The following TGFBR1 variants were observed in gnomAD, a reference collection of about 807,000 sequenced individuals.
TGFBR1 encodes the protein TGF-beta receptor type-1.
In TGFBR1, 20 loss-of-function variants were observed where a neutral mutation model predicts 55.1. That is an observed-to-expected ratio of 0.36 (90% CI 0.26 to 0.53). The LOEUF (loss-of-function observed/expected upper bound fraction) is 0.53. TGFBR1 is among the 20% of genes least tolerant of loss of function. TGFBR1 has a pLI of 0.91. For missense variants in TGFBR1, 385 were observed against 617.6 expected, an observed-to-expected ratio of 0.62 and a Z score of 3.99; for synonymous variants, 220 against 214.8, an observed-to-expected ratio of 1.02 and a Z score of -0.21.
intron 7 of TGFBR1, among the ~76,000 whole-genome samples, chr9:99,147,154 T>C (rs1423424875): frequency 1.3e-5 from 2 of 152,198 alleles, no homozygotes; most frequent in Non-Finnish European, 2.9e-5. Context: ...TGAGACCTAG[T>C]GCCTTAGGTT....
rs955477646 is a variant in TGFBR1, at chr9:99,110,418, G to GTTA, written c.97+5118_97+5119insATT. Among the ~76,000 whole-genome samples, 98 of 152,036 alleles carry GTTA rather than the reference G, an allele frequency of 6.4e-4. 1 individual carries two copies. The highest frequency in any genetic ancestry group is 2.2e-3 in the African/African-American group (91 of 41,466). On this transcript the variant is annotated intron_variant, in intron 1 of 8. Transcript: ENST00000374994. ...TTCTCATAACCAACCTTGAATGGTAGTTGTATAGAGTACCAAAACTTCTTA... is the reference window on the plus strand; with the variant it reads ...TTCTCATAACCAACCTTGAATGGTAGTTATTGTATAGAGTACCAAAACTTCTTA...
chr9:99,145,017 G>T, intron 6 of TGFBR1, 129 bp downstream of exon 6: 4 of 1,076,600 alleles, frequency 3.7e-6, no homozygotes, highest in East Asian at 5.2e-5. Context: ...CAGGTAAGAA[G>T]ATCTCATGGT....
upstream of TGFBR1, among the ~76,000 whole-genome samples, chr9:99,103,787 C>A (rs888360203): frequency 6.6e-6 from 1 of 152,160 alleles, no homozygotes; most frequent in Admixed American, 6.5e-5. Flanking sequence ...GTCTCAGATC[C>A]CAGCTCCAAT....
rs2118839113 is a variant in TGFBR1 at position 99,147,666 on chromosome 9, A to G, written c.1268A>G (p.Asp423Gly). 6.2e-7 allele frequency: 1 copy of G among 1,613,430 alleles called. No individual in the cohort carries two copies. Among genetic ancestry groups the G allele is most frequent in the Non-Finnish European group, 8.5e-7 (1 of 1,179,640 alleles). ...RRCSIGGIHE[D>G]YQLPYYDLVP... Reference sequence around the variant, plus strand: ...TAAACTGATACAGGAATTCATGAAGATTACCAACTGCCTTATTATGATCTT... The same window carrying G: ...TAAACTGATACAGGAATTCATGAAGGTTACCAACTGCCTTATTATGATCTT... The change falls in exon 8 of 9, where the codon GAT becomes GGT. Residue 423 changes from aspartate (D) to glycine (G), a missense_variant. Around this residue, in one of 5 missense-constraint regions of TGFBR1, gnomAD observed 110 missense variants for 154.6 expected, o/e 0.71. Coordinates refer to ENST00000374994, the MANE Select transcript of TGFBR1 (RefSeq NM_004612.4).
chr9:99,109,283 G>T (rs1210687294), intron 1 of TGFBR1, among the ~76,000 whole-genome samples: 1 of 152,168 alleles, frequency 6.6e-6, no homozygotes, highest in Non-Finnish European at 1.5e-5. Context: ...ATTGAGAAAA[G>T]TAGGCCTATA....
At chr9:99,119,756 G>A (rs1478749324) in intron 1 of TGFBR1, among the ~76,000 whole-genome samples, 1 of 152,216 alleles carries the variant, frequency 6.6e-6, no homozygotes, top group Non-Finnish European at 1.5e-5. Flanking sequence ...TACTGCTACT[G>A]TAGTGAAGTT....
In TGFBR1 at chr9:99,106,093, A is replaced by G. The variant is rs142640864; in HGVS notation, c.97+791A>G. On this transcript the variant is annotated intron_variant, in intron 1 of 8. Coordinates refer to ENST00000374994, the MANE Select transcript of TGFBR1 (RefSeq NM_004612.4). ...ATAGTGGAAACTTGAACGTTTGCTC[A>G]TTCTGCGGGTTTTGGAAATTTTGGG... 3.1e-3 allele frequency among the ~76,000 whole-genome samples: 469 copies of G among 152,382 alleles called. 1 individual carries two copies. Among genetic ancestry groups the G allele is most frequent in the Non-Finnish European group, 5.3e-3 (358 of 68,038 alleles).
At chr9:99,114,800 A>C (rs1469414180) in intron 1 of TGFBR1, among the ~76,000 whole-genome samples, 1 of 152,210 alleles carries the variant, frequency 6.6e-6, no homozygotes, top group Non-Finnish European at 1.5e-5. Flanking sequence ...TCATCAGAGT[A>C]CTGCTACCAA....
chr9:99,133,981 G>C (rs1056081832), intron 3 of TGFBR1, among the ~76,000 whole-genome samples: 1 of 142,816 alleles, frequency 7.0e-6, no homozygotes, highest in African/African-American at 2.6e-5. Context: ...TCCAGCCTGG[G>C]AAACAGACTC....
At chr9:99,112,167 G>A (rs1209033520) in intron 1 of TGFBR1, among the ~76,000 whole-genome samples, 1 of 152,224 alleles carries the variant, frequency 6.6e-6, no homozygotes, top group African/African-American at 2.4e-5. Context: ...TGCCGCAGAG[G>A]GAATGGATCA....
At chr9:99,127,879 T>G (rs2118546958) in intron 1 of TGFBR1, 1 of 450,778 alleles carries the variant, frequency 2.2e-6, no homozygotes, top group African/African-American at 2.0e-5. Flanking sequence ...AAGTATTTTT[T>G]GAATGCTGCT....
intron 1 of TGFBR1, among the ~76,000 whole-genome samples, chr9:99,108,930 A>G (rs906606705): frequency 1.3e-5 from 2 of 151,436 alleles, no homozygotes; most frequent in Non-Finnish European, 2.9e-5. Context: ...TATCACTTCA[A>G]TTTACAGATG....
intron 7 of TGFBR1, among the ~76,000 whole-genome samples, chr9:99,147,439 A>C (rs1021351206): frequency 1.3e-5 from 2 of 152,240 alleles, no homozygotes; most frequent in South Asian, 4.1e-4. Context: ...TATTGATCTC[A>C]TGGCAATACT....
At position 99,141,030 on chromosome 9, in the gene TGFBR1, C is replaced by T. The variant is rs935527923; in HGVS notation, c.806-1506C>T. Among the ~76,000 whole-genome samples the T allele has an allele frequency of 2.2e-4, 34 of 152,146 alleles. 1 individual carries two copies. Among genetic ancestry groups the T allele is most frequent in the Non-Finnish European group, 4.1e-4 (28 of 68,036 alleles). On this transcript the variant is annotated intron_variant, in intron 4 of 8. Transcript: ENST00000374994. ...TCCACCTCAGTTCCTTTATCTTCTC[C>T]TGATTTAGTTAATTCCACCCCCGGC...
intron 1 of TGFBR1, chr9:99,128,027 C>T (rs1564147096): frequency 2.2e-6 from 1 of 455,868 alleles, no homozygotes; most frequent in Non-Finnish European, 4.4e-6. Context: ...TTTTGGAGAG[C>T]ACTTAACTTC....
At position 99,151,091 on chromosome 9, in the gene TGFBR1, T is replaced by G. The variant is rs909805598; in HGVS notation, c.*1786T>G. The G allele has an allele frequency of 4.4e-6, 1 of 228,522 alleles. No individual in the cohort carries two copies. The highest frequency in any genetic ancestry group is 2.2e-5 in the African/African-American group (1 of 45,104). 14.2% of individuals were successfully genotyped at this position (228,522 alleles called of 1,614,324 possible). ...GAATGAGTTGCATTCTGATAATGTC[T>G]TATCTCTTATACGTAGAATAAATTT... On this transcript the variant is annotated 3_prime_UTR_variant, in exon 9 of 9. Coordinates refer to ENST00000374994, the MANE Select transcript of TGFBR1 (RefSeq NM_004612.4).
chr9:99,105,555 T>G (rs1183715097), intron 1 of TGFBR1, among the ~76,000 whole-genome samples: 5 of 150,704 alleles, frequency 3.3e-5, no homozygotes, highest in African/African-American at 9.8e-5. Context: ...GCCGCCCCGC[T>G]CGGGACTCCC....
rs986586601 is a variant in TGFBR1 at position 99,105,137 on chromosome 9, C to T, written c.-69C>T. 4 of 1,063,460 alleles carry T rather than the reference C, an allele frequency of 3.8e-6. No individual in the cohort carries two copies. Among genetic ancestry groups the T allele is most frequent in the East Asian group, 5.2e-5 (1 of 19,066 alleles). 65.9% of individuals were successfully genotyped at this position (1,063,460 alleles called of 1,614,324 possible). A position where few individuals can be genotyped will look rare whatever the true frequency, so the allele number is the denominator to read the frequency against. ...CGGCGGCTAGGGAGGTGGGGCGAGG[C>T]GAGGTTTGCTGGGGTGAGGCAGCGG... On this transcript the variant is annotated 5_prime_UTR_variant, in exon 1 of 9. Transcript: ENST00000374994.
intron 2 of TGFBR1, 24 bp from the exon 3 acceptor site, chr9:99,132,485 A>C: frequency 6.2e-7 from 1 of 1,613,146 alleles, no homozygotes; most frequent in Non-Finnish European, 8.5e-7. Context: ...GTTGATGTTT[A>C]TTTCACTCGA....
Sources: gnomAD v4.1 joint callset for allele counts (sites outside exome capture counted in the v4.1 genomes callset) on GRCh38, gnomAD v4.1.1 for gene constraint, gnomAD v4.1.1 regional missense constraint, MANE v1.5 for transcripts, NCBI Gene and HGNC (gene_info 2026-07-23, HGNC 2026-07-21) for gene names.